Variants in RFX3 observed in about 807,000 individuals in gnomAD.
The protein encoded by RFX3 is transcription factor RFX3.
A neutral mutation model predicts 98.6 loss-of-function variants in RFX3; 14 were observed. The ratio of observed to expected loss-of-function variants is 0.14; its 90% CI spans 0.09 to 0.22. The LOEUF is 0.22. RFX3 is among the 10% of genes least tolerant of loss of function. The pLI is 1.00. For missense variants in RFX3, 639 were observed against 926.9 expected (o/e 0.69, Z 4.03); for synonymous variants, 383 against 328.4 (o/e 1.17, Z -1.80).
intron 2 of RFX3, among the ~76,000 whole-genome samples, chr9:3,373,224 G>A (rs1053258165): frequency 1.3e-5 from 2 of 152,070 alleles, no homozygotes; most frequent in Non-Finnish European, 2.9e-5. Context: ...GAATGGATGA[G>A]GGAATAAACT....
At chr9:3,406,115 C>A (rs888161087) in intron 1 of RFX3, among the ~76,000 whole-genome samples, 1 of 151,954 alleles carries the variant, frequency 6.6e-6, no homozygotes, top group Non-Finnish European at 1.5e-5. Flanking sequence ...TGCCACCACG[C>A]CTGACAGCTA....
chr9:3,415,833 T>C (rs1379372842), intron 1 of RFX3, among the ~76,000 whole-genome samples: 1 of 152,214 alleles, frequency 6.6e-6, no homozygotes, highest in Non-Finnish European at 1.5e-5. Context: ...ACATCAGTGC[T>C]GACCCCTCAA....
At chr9:3,522,055 A>C (rs1818771901) in intron 1 of RFX3, among the ~76,000 whole-genome samples, 1 of 152,076 alleles carries the variant, frequency 6.6e-6, no homozygotes, top group South Asian at 2.1e-4. Flanking sequence ...AAAAAAAAAA[A>C]CTTTTCCTAG....
At chr9:3,515,512 A>T (rs1158014806) in intron 1 of RFX3, among the ~76,000 whole-genome samples, 2 of 152,114 alleles carry the variant, frequency 1.3e-5, no homozygotes. Flanking sequence ...ACCCGCCTAA[A>T]CTTAATGGTC....
At chr9:3,441,032 A>G (rs1458764955) in intron 1 of RFX3, among the ~76,000 whole-genome samples, 1 of 152,208 alleles carries the variant, frequency 6.6e-6, no homozygotes, top group Non-Finnish European at 1.5e-5. Flanking sequence ...CATATTTTCA[A>G]AAATGAACTT....
intron 1 of RFX3, among the ~76,000 whole-genome samples, chr9:3,398,895 C>T (rs146128021): frequency 2.6e-4 from 34 of 130,090 alleles, no homozygotes; most frequent in Non-Finnish European, 4.6e-4. Flanking sequence ...GCACATGTAC[C>T]CTAAAACTTA....
intron 4 of RFX3, among the ~76,000 whole-genome samples, chr9:3,313,074 G>C (rs1009757636): frequency 2.6e-5 from 4 of 152,154 alleles, no homozygotes; most frequent in African/African-American, 9.7e-5. Flanking sequence ...TCCTCAAGTG[G>C]GTCCCTGACC....
intron 4 of RFX3, among the ~76,000 whole-genome samples, chr9:3,313,192 C>A (rs1830167415): frequency 6.6e-6 from 1 of 152,206 alleles, no homozygotes; most frequent in Non-Finnish European, 1.5e-5. Context: ...CAGGCAGCAA[C>A]ATCTGCCGTT....
chr9:3,427,610 C>T (rs1844238859), intron 1 of RFX3, among the ~76,000 whole-genome samples: 2 of 151,462 alleles, frequency 1.3e-5, no homozygotes, highest in Middle Eastern at 3.4e-3. Flanking sequence ...TGTCTAAACA[C>T]CCTGAATTTG....
Position 3,418,961 on chromosome 9 carries a change from G to A in RFX3, c.-8-23365C>T, listed in dbSNP as rs189856770. ...TCACATGAGATGATAGAAAAGTTAC[G>A]TATTAATGTTGTCCTGCTGCCTTCA... On this transcript the variant is annotated intron_variant, in intron 1 of 16. Coordinates refer to ENST00000617270, the MANE Select transcript of RFX3 (RefSeq NM_001282116.2). 9.7e-4 allele frequency among the ~76,000 whole-genome samples: 148 copies of A among 152,230 alleles called. 1 individual carries two copies. Among genetic ancestry groups the A allele is most frequent in the African/African-American group, 3.4e-3 (141 of 41,538 alleles).
intron 1 of RFX3, among the ~76,000 whole-genome samples, chr9:3,399,295 T>C (rs1301842856): frequency 2.3e-5 from 3 of 132,650 alleles, no homozygotes; most frequent in African/African-American, 9.1e-5. Context: ...AAAAAAAAAA[T>C]CAGCTGGTCA....
At chr9:3,474,885 C>T (rs1004746698) in intron 1 of RFX3, among the ~76,000 whole-genome samples, 4 of 152,078 alleles carry the variant, frequency 2.6e-5, no homozygotes, top group African/African-American at 4.8e-5. Context: ...TCACTTGAGG[C>T]AACCAAGAGT....
rs138727523 is a variant in RFX3 at position 3,244,188 on chromosome 9, T to C, written c.1968+3844A>G. On this transcript the variant is annotated intron_variant, in intron 15 of 16. Coordinates refer to ENST00000617270, the MANE Select transcript of RFX3 (RefSeq NM_001282116.2). Reference sequence around the variant, plus strand: ...CGCCTAATTTTTTTTGTATTTTTAGTAGAGACAGGGTTTCACCATATTGGT... The same window carrying C: ...CGCCTAATTTTTTTTGTATTTTTAGCAGAGACAGGGTTTCACCATATTGGT... Among the ~76,000 whole-genome samples, 933 of 151,950 alleles carry C rather than the reference T, an allele frequency of 6.1e-3. 3 individuals are homozygous for C. Among genetic ancestry groups the C allele is most frequent in the Non-Finnish European group, 1.0e-2 (678 of 67,922 alleles).
intron 1 of RFX3, among the ~76,000 whole-genome samples, chr9:3,451,685 T>G (rs1242110547): frequency 6.6e-6 from 1 of 152,192 alleles, no homozygotes; most frequent in Non-Finnish European, 1.5e-5. Context: ...CTGCATATAG[T>G]GACTTCCTTC....
At chr9:3,384,629 G>C (rs1232090765) in intron 2 of RFX3, among the ~76,000 whole-genome samples, 1 of 152,164 alleles carries the variant, frequency 6.6e-6, no homozygotes, top group African/African-American at 2.4e-5. Flanking sequence ...TCCATTGTTT[G>C]AACTGGACTT....
intron 1 of RFX3, among the ~76,000 whole-genome samples, chr9:3,493,682 C>CAAAAAA (rs71324250): frequency 2.5e-5 from 2 of 79,582 alleles, no homozygotes; most frequent in African/African-American, 9.3e-5. Flanking sequence ...AGACTCATCT[C>CAAAAAA]AAAAAAAAAA....
chr9:3,427,429 TATAA>T (rs982184589), intron 1 of RFX3, among the ~76,000 whole-genome samples: 5 of 143,416 alleles, frequency 3.5e-5, no homozygotes, highest in African/African-American at 1.3e-4. Flanking sequence ...TAATACAATA[TATAA>T]ATATATATTG....
At chr9:3,276,586 G>A (rs1024486530) in intron 8 of RFX3, among the ~76,000 whole-genome samples, 4 of 152,014 alleles carry the variant, frequency 2.6e-5, no homozygotes, top group African/African-American at 9.7e-5. Context: ...GAGAAACGCT[G>A]CCATGTTTTC....
chr9:3,491,909 T>C (rs758617390), intron 1 of RFX3, among the ~76,000 whole-genome samples: 2 of 152,218 alleles, frequency 1.3e-5, no homozygotes, highest in East Asian at 3.8e-4. Flanking sequence ...AGTCTCCCCA[T>C]ACTAATAGTT....
Sources: allele counts gnomAD v4.1 joint callset (sites outside exome capture counted in the v4.1 genomes callset), GRCh38; gene constraint gnomAD v4.1.1; transcripts MANE v1.5; gene names NCBI Gene and HGNC (gene_info 2026-07-23, HGNC 2026-07-21).